The following RNF166 variants were observed in gnomAD, a reference collection of about 807,000 sequenced individuals.
The protein encoded by RNF166 is E3 ubiquitin-protein ligase RNF166.
In RNF166, 19 loss-of-function variants were observed where a neutral mutation model predicts 29.4. That is an observed-to-expected ratio of 0.65 (90% CI 0.45 to 0.95). The LOEUF (loss-of-function observed/expected upper bound fraction) is 0.95. RNF166 is among the 40% of genes least tolerant of loss of function. The pLI, the probability that RNF166 is intolerant of heterozygous loss-of-function variation, is 0.00. For missense variants in RNF166, 347 were observed against 322.1 expected (o/e 1.08, Z -0.59); for synonymous variants, 171 against 134.5 (o/e 1.27, Z -1.88).
At chr16:88,702,515 C>T (rs1209764857) in intron 1 of RNF166, among the ~76,000 whole-genome samples, 1 of 152,188 alleles carries the variant, frequency 6.6e-6, no homozygotes, top group Non-Finnish European at 1.5e-5. Context: ...AAGAGATTTC[C>T]ACATCCCTCA....
intron 5 of RNF166, 127 bp downstream of exon 5, chr16:88,698,375 C>T: frequency 1.2e-6 from 1 of 803,248 alleles, no homozygotes; most frequent in Non-Finnish European, 2.1e-6. Flanking sequence ...AATGTGGCCA[C>T]CTGAAACGAG....
At chr16:88,698,082 C>T (rs187778171) in intron 5 of RNF166, 42 of 568,800 alleles carry the variant, frequency 7.4e-5, no homozygotes, top group Non-Finnish European at 1.2e-4. Context: ...GGAGTTTGTG[C>T]GAGGGTCTGC....
Position 88,699,019 on chromosome 16 carries a change from C to T in RNF166, c.492G>A (p.Glu164=). The T allele has an allele frequency of 1.9e-6, 3 of 1,609,814 alleles. No individual in the cohort carries two copies. In the South Asian group the frequency reaches 3.3e-5, roughly 18 times the overall value. Residue 164 remains glutamate, a synonymous_variant, in exon 4 of 6, where the codon GAG becomes GAA. Coordinates refer to ENST00000312838, the MANE Select transcript of RNF166 (RefSeq NM_178841.4). ...GGCTTTCCACACAGTGCTTCACCAGCTCCTGCTGGTCCAGGTTGCGGGCAC... is the reference window on the plus strand; with the variant it reads ...GGCTTTCCACACAGTGCTTCACCAGTTCCTGCTGGTCCAGGTTGCGGGCAC... ...YCGARNLDQQ[E]LVKHCVESHR...
In RNF166 at chr16:88,697,510, C is replaced by A; in HGVS notation, c.*58G>T. ...TGCGCTCCCGAGCAGGTGCCAGGTG[C>A]GACACAGGAGCGGGGACATCCCTGA... On this transcript the variant is annotated 3_prime_UTR_variant, in exon 6 of 6. Coordinates refer to ENST00000312838, the MANE Select transcript of RNF166 (RefSeq NM_178841.4). 1.5e-6 allele frequency: 2 copies of A among 1,317,060 alleles called. No individual in the cohort carries two copies. Among genetic ancestry groups the A allele is most frequent in the Non-Finnish European group, 1.1e-6 (1 of 939,768 alleles). 81.6% of individuals were successfully genotyped at this position (1,317,060 alleles called of 1,614,324 possible). A position where few individuals can be genotyped will look rare whatever the true frequency, so the allele number is the denominator to read the frequency against.
intron 1 of RNF166, chr16:88,704,236 C>G: frequency 1.0e-6 from 1 of 985,426 alleles, no homozygotes; most frequent in South Asian, 4.7e-5. Flanking sequence ...GCATGCATGC[C>G]TTAGCAACAC....
intron 1 of RNF166, among the ~76,000 whole-genome samples, chr16:88,702,571 A>C (rs1028482526): frequency 6.6e-6 from 1 of 152,160 alleles, no homozygotes; most frequent in Non-Finnish European, 1.5e-5. Flanking sequence ...GCCTCAGGCA[A>C]AGGTGGCCAA....
At chr16:88,697,655 G>A (rs1909762548) in intron 5 of RNF166, 22 bp from the exon 6 acceptor site, 3 of 1,535,952 alleles carry the variant, frequency 2.0e-6, no homozygotes, top group South Asian at 1.2e-5. Context: ...AAGGAGAGAT[G>A]CACCGGGCTC....
Position 88,706,371 on chromosome 16 carries a change from G to A in RNF166, c.-46C>T. 8.2e-7 allele frequency: 1 copy of A among 1,219,232 alleles called. No homozygotes were observed. The allele number at this position is 1,219,232 out of a possible 1,614,324, so 75.5% of individuals were successfully genotyped here. On this transcript the variant is annotated 5_prime_UTR_variant, in exon 1 of 6. Transcript: ENST00000312838. ...GCCCGCCGCCCGCTGTCCTGGCCCGGGCCGGCCCGCTAGTCACAGCCGCTA... is the reference window on the plus strand; with the variant it reads ...GCCCGCCGCCCGCTGTCCTGGCCCGAGCCGGCCCGCTAGTCACAGCCGCTA...
chr16:88,701,148 C>T (rs890442275), intron 2 of RNF166, 114 bp downstream of exon 2: 24 of 1,380,742 alleles, frequency 1.7e-5, no homozygotes, highest in Middle Eastern at 2.4e-4. Flanking sequence ...GCAGAGACCG[C>T]GATTACTCAA....
Position 88,697,596 on chromosome 16 carries a change from G to A in RNF166, c.686C>T (p.Ala229Val). Reference sequence around the variant, plus strand: ...GTTCTCAGAGAGAGACAGGGCCAGAGCAGCCTGGAAGGCGGCCTCCTCGTC... The same window carrying A: ...GTTCTCAGAGAGAGACAGGGCCAGAACAGCCTGGAAGGCGGCCTCCTCGTC... ...SIDEEAAFQA[A>V]LALSLSEN The change falls in exon 6 of 6, where the codon GCT becomes GTT. Residue 229 changes from alanine (A) to valine (V), a missense_variant. Ala to Val is a moderately conservative substitution (Grantham distance 64). Transcript: ENST00000312838. 2.6e-6 allele frequency: 4 copies of A among 1,551,580 alleles called. No homozygotes were observed. Among genetic ancestry groups the A allele is most frequent in the Non-Finnish European group, 3.5e-6 (4 of 1,147,450 alleles).
chr16:88,705,375 C>G (rs1910679312), intron 1 of RNF166, among the ~76,000 whole-genome samples: 2 of 152,270 alleles, frequency 1.3e-5, no homozygotes, highest in South Asian at 4.1e-4. Flanking sequence ...TCCCCTGCCA[C>G]TGCTGATTTT....
Position 88,697,482 on chromosome 16 carries a change from A to C in RNF166, c.*86T>G. On this transcript the variant is annotated 3_prime_UTR_variant, in exon 6 of 6. Coordinates refer to ENST00000312838, the MANE Select transcript of RNF166 (RefSeq NM_178841.4). The stretch of plus-strand genomic sequence containing the variant: ...CTCCTCCTGTGAGCTCAGTCCGGTG[A>C]GGTGCGCTCCCGAGCAGGTGCCAGG... 2.1e-6 allele frequency: 2 copies of C among 975,152 alleles called. No individual in the cohort carries two copies. Among genetic ancestry groups the C allele is most frequent in the Non-Finnish European group, 3.2e-6 (2 of 633,688 alleles). 60.4% of individuals were successfully genotyped at this position (975,152 alleles called of 1,614,324 possible). A position where few individuals can be genotyped will look rare whatever the true frequency, so the allele number is the denominator to read the frequency against.
intron 1 of RNF166, chr16:88,704,495 CAT>C (rs1172650697): frequency 4.1e-5 from 40 of 985,210 alleles, no homozygotes; most frequent in Non-Finnish European, 4.6e-5. Context: ...TAGGAAAAGA[CAT>C]ATTTGAAAAA....
chr16:88,697,833 C>T, intron 5 of RNF166, 200 bp from the exon 6 acceptor site: 1 of 562,800 alleles, frequency 1.8e-6, no homozygotes, highest in Non-Finnish European at 3.2e-6. Flanking sequence ...GTGTCCATCA[C>T]CCGCTGGGTA....
At chr16:88,701,474 G>A in intron 1 of RNF166, 56 bp from the exon 2 acceptor site, 2 of 1,475,762 alleles carry the variant, frequency 1.4e-6, no homozygotes, top group South Asian at 2.7e-5. Context: ...CCGAACCGCA[G>A]GCCTTGCTCG....
intron 1 of RNF166, chr16:88,703,724 G>C: frequency 1.0e-6 from 1 of 985,516 alleles, no homozygotes; most frequent in South Asian, 4.7e-5. Context: ...GTGTGGGGGC[G>C]TCGACAGCCT....
intron 1 of RNF166, chr16:88,702,944 A>G (rs1475634056): frequency 2.5e-5 from 25 of 985,362 alleles, no homozygotes; most frequent in Non-Finnish European, 3.0e-5. Context: ...TCAGGCACTC[A>G]TGGCAGGAGA....
chr16:88,699,890 C>G (rs1316791048), intron 2 of RNF166, 158 bp from the exon 3 acceptor site: 1 of 560,814 alleles, frequency 1.8e-6, no homozygotes, highest in Non-Finnish European at 3.2e-6. Flanking sequence ...CTAAAACAAT[C>G]TCAGGCACTG....
At chr16:88,701,050 C>A in intron 2 of RNF166, 1 of 1,357,128 alleles carries the variant, frequency 7.4e-7, no homozygotes, top group South Asian at 1.5e-5. Context: ...CCCCACCGGG[C>A]TGGCCCCCCC....
Sources: gnomAD v4.1 joint callset for allele counts (sites outside exome capture counted in the v4.1 genomes callset) on GRCh38, gnomAD v4.1.1 for gene constraint, MANE v1.5 for transcripts, NCBI Gene and HGNC (gene_info 2026-07-23, HGNC 2026-07-21) for gene names.